IGF1: variants seen among roughly 807,000 people sequenced by gnomAD.
IGF1 encodes insulin-like growth factor 1.
Under a neutral mutation model 13.8 loss-of-function variants are expected in IGF1, and 4 were observed. That is an observed-to-expected ratio of 0.29 (90% CI 0.14 to 0.66). The LOEUF is 0.66. IGF1 is among the 30% of genes least tolerant of loss of function. The pLI, the probability that IGF1 is intolerant of heterozygous loss-of-function variation, is 0.78. For synonymous variants in IGF1, 76 were observed against 72.6 expected, an observed-to-expected ratio of 1.05 and a Z score of -0.23; for missense variants, 124 against 188.5, an observed-to-expected ratio of 0.66 and a Z score of 2.00.
chr12:102,422,217 T>C lies in IGF1; in HGVS notation c.221-2527A>G, dbSNP rs1055193022. Among the ~76,000 whole-genome samples the C allele has an allele frequency of 9.2e-5, 14 of 152,324 alleles. No homozygotes were observed. In the East Asian group the frequency reaches 2.1e-3, roughly 23 times the overall value. The stretch of plus-strand genomic sequence containing the variant: ...TGTTCCATAGAGAAAGTTTATCTTA[T>C]GTCTACATTTGTTTTTTTAAAAAAT... On this transcript the variant is annotated intron_variant, in intron 2 of 3. Coordinates refer to ENST00000337514, the MANE Select transcript of IGF1 (RefSeq NM_000618.5).
chr12:102,407,505 T>G (rs1874280263), intron 3 of IGF1, among the ~76,000 whole-genome samples: 1 of 152,236 alleles, frequency 6.6e-6, no homozygotes, highest in Non-Finnish European at 1.5e-5. Context: ...AAACTTAGGA[T>G]AAACAACTTG....
chr12:102,440,454 A>G (rs1310711125), intron 2 of IGF1, among the ~76,000 whole-genome samples: 1 of 152,198 alleles, frequency 6.6e-6, no homozygotes, highest in Non-Finnish European at 1.5e-5. Flanking sequence ...TTGCTACTCA[A>G]ATCAGGAAAC....
intron 2 of IGF1, among the ~76,000 whole-genome samples, chr12:102,454,730 T>C (rs1036481109): frequency 2.6e-5 from 4 of 152,204 alleles, no homozygotes; most frequent in Admixed American, 2.6e-4. Flanking sequence ...AGGGGTCAAT[T>C]GAGTCAGAGG....
At chr12:102,415,210 A>C (rs1033714959) in intron 3 of IGF1, among the ~76,000 whole-genome samples, 14 of 152,020 alleles carry the variant, frequency 9.2e-5, no homozygotes, top group Admixed American at 4.6e-4. Flanking sequence ...TCTTTCTACC[A>C]CTATTCATCA....
intron 2 of IGF1, among the ~76,000 whole-genome samples, chr12:102,452,455 T>C (rs892544320): frequency 5.9e-5 from 9 of 152,120 alleles, no homozygotes; most frequent in Non-Finnish European, 1.0e-4. Flanking sequence ...CTAGCATCTG[T>C]TATAGAGCCT....
intron 1 of IGF1, among the ~76,000 whole-genome samples, chr12:102,478,849 TGA>T (rs1434146787): frequency 6.6e-6 from 1 of 152,140 alleles, no homozygotes; most frequent in Non-Finnish European, 1.5e-5. Context: ...GGAAATACCT[TGA>T]GAGTCAGAGT....
intron 3 of IGF1, among the ~76,000 whole-genome samples, chr12:102,413,979 G>A (rs963322707): frequency 1.3e-5 from 2 of 152,166 alleles, no homozygotes; most frequent in Admixed American, 6.5e-5. Flanking sequence ...ATGGAAAAGC[G>A]TTGGCAAGCT....
chr12:102,449,322 A>G (rs755524359), intron 2 of IGF1, among the ~76,000 whole-genome samples: 42 of 150,710 alleles, frequency 2.8e-4, no homozygotes, highest in Non-Finnish European at 5.3e-4. Flanking sequence ...ACATTTTCTC[A>G]CTCATAAGTG....
chr12:102,425,979 T>A (rs1318420606), intron 2 of IGF1, among the ~76,000 whole-genome samples: 1 of 152,186 alleles, frequency 6.6e-6, no homozygotes, highest in Non-Finnish European at 1.5e-5. Context: ...ACGTCTAAGG[T>A]GAAAGATAAT....
intron 2 of IGF1, among the ~76,000 whole-genome samples, chr12:102,430,805 C>T (rs1324617689): frequency 6.6e-6 from 1 of 152,208 alleles, no homozygotes; most frequent in Non-Finnish European, 1.5e-5. Flanking sequence ...CTCATCGAGC[C>T]AGTGCTCCCA....
chr12:102,476,548 A>G (rs1379786232), intron 1 of IGF1, among the ~76,000 whole-genome samples: 2 of 152,190 alleles, frequency 1.3e-5, no homozygotes, highest in African/African-American at 2.4e-5. Flanking sequence ...AATTGGCTCA[A>G]ATAGAAACCA....
At chr12:102,460,853 G>T (rs1263182521) in intron 2 of IGF1, among the ~76,000 whole-genome samples, 1 of 152,146 alleles carries the variant, frequency 6.6e-6, no homozygotes, top group Non-Finnish European at 1.5e-5. Context: ...TCCTTGTCAA[G>T]AATATAGACA....
intron 3 of IGF1, among the ~76,000 whole-genome samples, chr12:102,408,040 C>G (rs1057032899): frequency 6.6e-6 from 1 of 152,156 alleles, no homozygotes; most frequent in Non-Finnish European, 1.5e-5. Context: ...GACATGAAGT[C>G]TAGGAAAAGC....
intron 3 of IGF1, among the ~76,000 whole-genome samples, chr12:102,403,971 A>G (rs1565959403): frequency 2.0e-5 from 3 of 152,208 alleles, no homozygotes; most frequent in Non-Finnish European, 4.4e-5. Flanking sequence ...ATATTATAAT[A>G]CTTTTCCTAC....
chr12:102,476,064 T>C (rs1194708745), intron 1 of IGF1, among the ~76,000 whole-genome samples: 1 of 152,176 alleles, frequency 6.6e-6, no homozygotes, highest in Non-Finnish European at 1.5e-5. Flanking sequence ...GGGTTCCTAT[T>C]TCAATGAATT....
chr12:102,480,623 C>G, upstream of IGF1: 2 of 1,356,542 alleles, frequency 1.5e-6, no homozygotes, highest in Non-Finnish European at 1.9e-6. Flanking sequence ...AGACAGGAAA[C>G]AGCTGGGGGA....
At chr12:102,441,958 T>TTCTTCTTCTTCTTCTTCTTC (rs1180940405) in intron 2 of IGF1, among the ~76,000 whole-genome samples, 1,810 of 40,684 alleles carry the variant, frequency 0.044, 33 homozygotes, top group Non-Finnish European at 0.064. Flanking sequence ...TCTTCTTCTT[T>TTCTTCTTCTTCTTCTTCTTC]TTTTTTTTTG....
chr12:102,416,903 G>A (rs1284428987), intron 3 of IGF1, among the ~76,000 whole-genome samples: 2 of 152,190 alleles, frequency 1.3e-5, no homozygotes, highest in Non-Finnish European at 2.9e-5. Context: ...GGTCAGTGGG[G>A]TGGGCCCAAA....
chr12:102,457,435 C>A (rs1457183063), intron 2 of IGF1, among the ~76,000 whole-genome samples: 1 of 152,114 alleles, frequency 6.6e-6, no homozygotes, highest in South Asian at 2.1e-4. Context: ...ACTGGCCTGG[C>A]AGCTCTACAA....
Sources: gnomAD v4.1 joint callset for allele counts (sites outside exome capture counted in the v4.1 genomes callset) on GRCh38, gnomAD v4.1.1 for gene constraint, MANE v1.5 for transcripts, NCBI Gene and HGNC (gene_info 2026-07-23, HGNC 2026-07-21) for gene names.